Variants in CNTN4 observed in about 807,000 individuals in gnomAD.
CNTN4 encodes contactin 4.
A neutral mutation model predicts 122.5 loss-of-function variants in CNTN4; 77 were observed. The ratio of observed to expected loss-of-function variants is 0.63; its 90% CI spans 0.52 to 0.76. The LOEUF (loss-of-function observed/expected upper bound fraction) is 0.76, where lower values mean the gene tolerates loss of function less well. Among genes scored for constraint, CNTN4 ranks in the 30% least tolerant of loss-of-function variants. The pLI, the probability that CNTN4 is intolerant of heterozygous loss-of-function variation, is 0.00. For missense variants in CNTN4, 1,256 were observed against 1,259.1 expected, an observed-to-expected ratio of 1.00 and a Z score of 0.04; for synonymous variants, 512 against 447.0, an observed-to-expected ratio of 1.15 and a Z score of -1.83.
At chr3:2,710,340 G>C (rs2600294) in intron 4 of CNTN4, among the ~76,000 whole-genome samples, 31,488 of 152,076 alleles carry the variant, frequency 0.21, 3,379 homozygotes, top group African/African-American at 0.26. Flanking sequence ...AAAGGAAAAA[G>C]CAGTCAGGAA....
rs190881652 is a variant in CNTN4, at chr3:2,502,663, C to T, written c.-88-68753C>T. ...TTTCCTTTTGTTTAACCAGCATTTT[C>T]GTGGCTGTAAAGAGAGAAGGCTTAG... is the stretch of plus-strand genomic sequence containing the variant. On this transcript the variant is annotated intron_variant, in intron 3 of 24. Coordinates refer to ENST00000418658, the MANE Select transcript of CNTN4 (RefSeq NM_175607.3). Among the ~76,000 whole-genome samples, 82 of 152,172 alleles carry T rather than the reference C, an allele frequency of 5.4e-4. 1 individual carries two copies. In the South Asian group the frequency reaches 8.1e-3, roughly 15 times the overall value.
rs1293977628 is a variant in CNTN4 at position 2,531,098 on chromosome 3, A to G, written c.-88-40318A>G. 5.9e-5 allele frequency among the ~76,000 whole-genome samples: 9 copies of G among 152,198 alleles called. No homozygotes were observed. In the East Asian group the frequency reaches 1.7e-3, roughly 29 times the overall value. On this transcript the variant is annotated intron_variant, in intron 3 of 24. Coordinates refer to ENST00000418658, the MANE Select transcript of CNTN4 (RefSeq NM_175607.3). Reference sequence around the variant, plus strand: ...TAAGCCTGGGGAAAGAACCTCCTAAAAAAGAGTCAATATGTTTGATGACAT... The same window carrying G: ...TAAGCCTGGGGAAAGAACCTCCTAAGAAAGAGTCAATATGTTTGATGACAT...
intron 3 of CNTN4, among the ~76,000 whole-genome samples, chr3:2,475,507 T>C (rs541262011): frequency 3.9e-4 from 60 of 152,304 alleles, no homozygotes; most frequent in Non-Finnish European, 4.9e-4. Context: ...TTTCATTTGC[T>C]CTAAGGGTGT....
At chr3:2,331,845 G>T (rs1417190482) in intron 2 of CNTN4, among the ~76,000 whole-genome samples, 1 of 152,164 alleles carries the variant, frequency 6.6e-6, no homozygotes, top group Non-Finnish European at 1.5e-5. Context: ...TAAACTGCAT[G>T]CCCTTTGCAA....
intron 2 of CNTN4, among the ~76,000 whole-genome samples, chr3:2,190,823 CACACACACACAT>C (rs1316365079): frequency 2.0e-5 from 3 of 151,258 alleles, no homozygotes; most frequent in East Asian, 1.9e-4. Context: ...CACACACACA[CACACACACACAT>C]ACACACACAC....
chr3:2,367,845 G>A (rs966891335), intron 3 of CNTN4, among the ~76,000 whole-genome samples: 3 of 151,866 alleles, frequency 2.0e-5, no homozygotes, highest in Non-Finnish European at 2.9e-5. Flanking sequence ...CCCTAACAAC[G>A]TTCGGACTAT....
At position 2,716,004 on chromosome 3, in the gene CNTN4, C is replaced by T. The variant is rs531795306; in HGVS notation, c.56-20211C>T. 8.0e-4 allele frequency among the ~76,000 whole-genome samples: 121 copies of T among 152,196 alleles called. 1 individual carries two copies. Among genetic ancestry groups the T allele is most frequent in the Non-Finnish European group, 1.4e-3 (98 of 67,996 alleles). ...TTCGAGAAAGGGTCTCACTCTGTCA[C>T]CCAGGCTTATAGTGCAGTGGCATGA... On this transcript the variant is annotated intron_variant, in intron 4 of 24. Coordinates refer to ENST00000418658, the MANE Select transcript of CNTN4 (RefSeq NM_175607.3).
At chr3:2,758,123 T>G (rs1559471472) in intron 6 of CNTN4, among the ~76,000 whole-genome samples, 4 of 152,220 alleles carry the variant, frequency 2.6e-5, no homozygotes, top group Admixed American at 2.6e-4. Flanking sequence ...CTTCTTTATA[T>G]AGTCCTATAA....
intron 14 of CNTN4, among the ~76,000 whole-genome samples, chr3:3,023,605 G>C (rs898343704): frequency 2.6e-5 from 4 of 152,210 alleles, no homozygotes; most frequent in Non-Finnish European, 4.4e-5. Flanking sequence ...GACAGTTTTA[G>C]GGACTGGAGC....
intron 12 of CNTN4, among the ~76,000 whole-genome samples, chr3:2,907,242 C>T (rs1254412511): frequency 6.6e-6 from 1 of 152,026 alleles, no homozygotes; most frequent in Non-Finnish European, 1.5e-5. Context: ...CTGAATTGAA[C>T]AAAGAAACAA....
chr3:2,769,233 G>A (rs1054458285), intron 6 of CNTN4, among the ~76,000 whole-genome samples: 1 of 152,100 alleles, frequency 6.6e-6, no homozygotes, highest in East Asian at 1.9e-4. Flanking sequence ...GGAGGCCGAG[G>A]CGGGCAGATC....
rs192948507 is a variant in CNTN4, at chr3:2,504,343, C to T, written c.-88-67073C>T. Among the ~76,000 whole-genome samples, 345 of 152,218 alleles carry T rather than the reference C, an allele frequency of 2.3e-3. 2 individuals carry two copies. The highest frequency in any genetic ancestry group is 8.0e-3 in the African/African-American group (333 of 41,556). The stretch of plus-strand genomic sequence containing the variant: ...TCTTCATGTTTTCTGGATCATATAG[C>T]TTTTGTGAATAGGTTGATTAGTTGA... On this transcript the variant is annotated intron_variant, in intron 3 of 24. Coordinates refer to ENST00000418658, the MANE Select transcript of CNTN4 (RefSeq NM_175607.3).
At chr3:2,630,139 C>G (rs191816827) in intron 4 of CNTN4, among the ~76,000 whole-genome samples, 1 of 152,172 alleles carries the variant, frequency 6.6e-6, no homozygotes, top group Admixed American at 6.5e-5. Flanking sequence ...AAAAAAGACA[C>G]AGAACCATCT....
chr3:2,983,370 A>G (rs1381076654), intron 13 of CNTN4, among the ~76,000 whole-genome samples: 2 of 151,986 alleles, frequency 1.3e-5, no homozygotes, highest in South Asian at 4.2e-4. Context: ...GTGAGGCATC[A>G]TAATGTGTTG....
intron 3 of CNTN4, among the ~76,000 whole-genome samples, chr3:2,416,948 C>G (rs2047439785): frequency 6.6e-6 from 1 of 151,570 alleles, no homozygotes; most frequent in East Asian, 2.0e-4. Flanking sequence ...GCCACCGCGC[C>G]CGGCCCAGTG....
At chr3:2,836,012 A>C (rs2093217580) in intron 7 of CNTN4, among the ~76,000 whole-genome samples, 1 of 152,164 alleles carries the variant, frequency 6.6e-6, no homozygotes, top group South Asian at 2.1e-4. Context: ...AGAAATACAA[A>C]TAGGCAAAAT....
intron 2 of CNTN4, among the ~76,000 whole-genome samples, chr3:2,188,273 T>C (rs974715836): frequency 6.6e-6 from 1 of 152,176 alleles, no homozygotes; most frequent in Non-Finnish European, 1.5e-5. Flanking sequence ...CCTAATAATT[T>C]ATCTTTAGGC....
At position 2,918,676 on chromosome 3, in the gene CNTN4, T is replaced by A. The variant is rs143269058; in HGVS notation, c.1208-6953T>A. Among the ~76,000 whole-genome samples the A allele has an allele frequency of 6.5e-3, 985 of 152,342 alleles. 6 individuals are homozygous for A. The highest frequency in any genetic ancestry group is 0.014 in the Middle Eastern group (4 of 294). ...GGTGTTTTATTTTATTGTTTTGTTT[T>A]ATTTAGAGAGCCACTTGTAAAACAT... is the stretch of plus-strand genomic sequence containing the variant. On this transcript the variant is annotated intron_variant, in intron 12 of 24. Coordinates refer to ENST00000418658, the MANE Select transcript of CNTN4 (RefSeq NM_175607.3).
At chr3:2,705,907 TA>T (rs2086698390) in intron 4 of CNTN4, among the ~76,000 whole-genome samples, 1 of 19,274 alleles carries the variant, frequency 5.2e-5, no homozygotes, top group African/African-American at 1.1e-4. Context: ...ATATATATTA[TA>T]TATAAAATAT....
Sources: gnomAD v4.1 joint callset for allele counts (sites outside exome capture counted in the v4.1 genomes callset) on GRCh38, gnomAD v4.1.1 for gene constraint, MANE v1.5 for transcripts, NCBI Gene and HGNC (gene_info 2026-07-23, HGNC 2026-07-21) for gene names.